Variants in SGCZ observed in about 807,000 individuals in gnomAD.
The protein encoded by SGCZ is sarcoglycan zeta.
In SGCZ, 40 loss-of-function variants were observed where a neutral mutation model predicts 41.3. The ratio of observed to expected loss-of-function variants is 0.97; its 90% CI spans 0.75 to 1.26. The LOEUF (loss-of-function observed/expected upper bound fraction) is 1.26. Among genes scored for constraint, SGCZ ranks in the 50% most tolerant of loss-of-function variants. The pLI is 0.00. For missense variants in SGCZ, 552 were observed against 369.8 expected, an observed-to-expected ratio of 1.49 and a Z score of -4.04; for synonymous variants, 206 against 137.5, an observed-to-expected ratio of 1.50 and a Z score of -3.49.
chr8:14,831,685 T>A (rs1035409825), intron 1 of SGCZ, among the ~76,000 whole-genome samples: 1 of 151,974 alleles, frequency 6.6e-6, no homozygotes, highest in Admixed American at 6.6e-5. Flanking sequence ...AGTATACAAT[T>A]ATACTAAAAC....
At chr8:14,431,744 C>T (rs1389052380) in intron 2 of SGCZ, among the ~76,000 whole-genome samples, 1 of 151,968 alleles carries the variant, frequency 6.6e-6, no homozygotes, top group Non-Finnish European at 1.5e-5. Flanking sequence ...AGTAAAAAGA[C>T]AACCCACAGA....
chr8:15,183,175 G>C (rs1414929937), intron 1 of SGCZ, among the ~76,000 whole-genome samples: 1 of 44,754 alleles, frequency 2.2e-5, no homozygotes, highest in African/African-American at 2.1e-4. Flanking sequence ...TTTATAAGTA[G>C]AAAGATTACA....
intron 1 of SGCZ, among the ~76,000 whole-genome samples, chr8:15,236,413 C>A (rs1802120032): frequency 6.6e-6 from 1 of 151,274 alleles, no homozygotes; most frequent in Non-Finnish European, 1.5e-5. Flanking sequence ...TCAGGGCAAA[C>A]CTCTATTCGT....
chr8:14,324,054 A>G, intron 3 of SGCZ, 49 bp downstream of exon 3: 1 of 1,337,674 alleles, frequency 7.5e-7, no homozygotes. Flanking sequence ...AAGCTAAAAC[A>G]TAACCTCTAA....
intron 1 of SGCZ, among the ~76,000 whole-genome samples, chr8:15,173,437 A>G (rs542127228): frequency 2.5e-4 from 38 of 152,300 alleles, no homozygotes; most frequent in African/African-American, 8.2e-4. Flanking sequence ...TATAAAGCCT[A>G]TAACATAATA....
intron 1 of SGCZ, among the ~76,000 whole-genome samples, chr8:14,980,930 A>G (rs138915820): frequency 6.6e-6 from 1 of 152,040 alleles, no homozygotes; most frequent in Non-Finnish European, 1.5e-5. Context: ...TCTCAATTCT[A>G]CCACCTACTC....
chr8:14,600,585 G>T (rs968151728), intron 1 of SGCZ, among the ~76,000 whole-genome samples: 3 of 152,088 alleles, frequency 2.0e-5, no homozygotes, highest in Non-Finnish European at 2.9e-5. Flanking sequence ...TCCACAGGAG[G>T]ATGCAGGTAT....
At chr8:15,085,911 T>C (rs1483616156) in intron 1 of SGCZ, among the ~76,000 whole-genome samples, 1 of 152,138 alleles carries the variant, frequency 6.6e-6, no homozygotes, top group East Asian at 1.9e-4. Flanking sequence ...ACAAAAACCA[T>C]GAATGCTACA....
chr8:14,607,770 G>T (rs1228479916), intron 1 of SGCZ, among the ~76,000 whole-genome samples: 2 of 152,102 alleles, frequency 1.3e-5, no homozygotes, highest in Admixed American at 1.3e-4. Context: ...AGCTCCTCTG[G>T]ATAATTATGT....
At chr8:14,482,727 G>A (rs377404370) in intron 2 of SGCZ, among the ~76,000 whole-genome samples, 1 of 151,976 alleles carries the variant, frequency 6.6e-6, no homozygotes, top group African/African-American at 2.4e-5. Flanking sequence ...AACCTGCTGA[G>A]GGCCCGAATA....
Position 14,457,492 on chromosome 8 carries a change from G to T in SGCZ, c.234+97240C>A, listed in dbSNP as rs193035271. ...AGACTCTGCTCCTCCAACTCTTGTG[G>T]AGGGCCTGACATCAGTCAGGCTTGC... On this transcript the variant is annotated intron_variant, in intron 2 of 7. Coordinates refer to ENST00000382080, the MANE Select transcript of SGCZ (RefSeq NM_139167.4). Among the ~76,000 whole-genome samples, 718 of 152,328 alleles carry T rather than the reference G, an allele frequency of 4.7e-3. 8 individuals are homozygous for T. The highest frequency in any genetic ancestry group is 0.016 in the African/African-American group (664 of 41,570).
chr8:14,120,033 G>A (rs1275499993), intron 5 of SGCZ, among the ~76,000 whole-genome samples: 1 of 151,940 alleles, frequency 6.6e-6, no homozygotes, highest in African/African-American at 2.4e-5. Flanking sequence ...CTTTTTCTGT[G>A]TGTGTCTCTG....
intron 2 of SGCZ, among the ~76,000 whole-genome samples, chr8:14,393,569 C>A (rs570723469): frequency 6.6e-6 from 1 of 152,190 alleles, no homozygotes; most frequent in East Asian, 1.9e-4. Context: ...CCTCCTCAAA[C>A]TAGCATAGAA....
chr8:14,505,877 C>G (rs1389172920), intron 2 of SGCZ, among the ~76,000 whole-genome samples: 1 of 152,156 alleles, frequency 6.6e-6, no homozygotes, highest in Non-Finnish European at 1.5e-5. Context: ...ACTCGGCAAT[C>G]TGTGTTTTAG....
chr8:14,969,782 C>T (rs1247461474), intron 1 of SGCZ, among the ~76,000 whole-genome samples: 2 of 151,964 alleles, frequency 1.3e-5, no homozygotes, highest in Non-Finnish European at 2.9e-5. Context: ...GTTATTCATT[C>T]ACCTGTTGAT....
At chr8:15,039,346 T>C (rs1171355190) in intron 1 of SGCZ, among the ~76,000 whole-genome samples, 2 of 152,142 alleles carry the variant, frequency 1.3e-5, no homozygotes, top group African/African-American at 4.8e-5. Flanking sequence ...CCAGATGACA[T>C]TATGTTAAGT....
chr8:14,254,178 G>A (rs1411798223), intron 3 of SGCZ, among the ~76,000 whole-genome samples: 2 of 152,064 alleles, frequency 1.3e-5, no homozygotes, highest in Non-Finnish European at 2.9e-5. Flanking sequence ...CTTGTTCCTA[G>A]AGGTGAACCC....
intron 1 of SGCZ, among the ~76,000 whole-genome samples, chr8:14,972,636 A>G (rs536490074): frequency 1.3e-5 from 2 of 152,162 alleles, no homozygotes; most frequent in South Asian, 4.1e-4. Context: ...CTTCTCCTCT[A>G]CCAGCCTACT....
intron 1 of SGCZ, among the ~76,000 whole-genome samples, chr8:14,687,843 C>A (rs918536716): frequency 3.3e-5 from 5 of 152,088 alleles, no homozygotes; most frequent in Non-Finnish European, 5.9e-5. Context: ...TCTCCACATC[C>A]TCTCCAGCAC....
Sources: gnomAD v4.1 joint callset for allele counts (sites outside exome capture counted in the v4.1 genomes callset) on GRCh38, gnomAD v4.1.1 for gene constraint, MANE v1.5 for transcripts, NCBI Gene and HGNC (gene_info 2026-07-23, HGNC 2026-07-21) for gene names.